The following FUT8 variants were observed in gnomAD, a reference collection of about 807,000 sequenced individuals.
FUT8 encodes the protein fucosyltransferase 8.
Under a neutral mutation model 71.3 loss-of-function variants are expected in FUT8, and 29 were observed. The ratio of observed to expected loss-of-function variants is 0.41; its 90% CI spans 0.30 to 0.55. The LOEUF (loss-of-function observed/expected upper bound fraction) is 0.55, where lower values mean the gene tolerates loss of function less well. Among genes scored for constraint, FUT8 ranks in the 20% least tolerant of loss-of-function variants. The probability of loss-of-function intolerance (pLI) is 0.34; values close to 1 mark genes in which losing one functional copy is unlikely to be tolerated. For missense variants in FUT8, 544 were observed against 702.1 expected (o/e 0.77, Z 2.55); for synonymous variants, 254 against 239.3 (o/e 1.06, Z -0.57).
chr14:65,608,689 TAAA>T (rs1888717571), intron 3 of FUT8, among the ~76,000 whole-genome samples: 1 of 151,958 alleles, frequency 6.6e-6, no homozygotes, highest in Admixed American at 6.6e-5. Context: ...TAAAGGCTTT[TAAA>T]ATAGGAATGA....
chr14:65,501,143 C>T (rs987088756), intron 2 of FUT8, among the ~76,000 whole-genome samples: 3 of 152,112 alleles, frequency 2.0e-5, no homozygotes, highest in Non-Finnish European at 1.5e-5. Flanking sequence ...ACTAAATACT[C>T]GAGGCAGGAG....
chr14:65,633,796 C>A (rs1171773817), intron 6 of FUT8, among the ~76,000 whole-genome samples: 1 of 152,116 alleles, frequency 6.6e-6, no homozygotes, highest in Non-Finnish European at 1.5e-5. Context: ...GCCACCCCGT[C>A]TGAGAAGTGA....
At chr14:65,478,295 A>G (rs1002584849) in intron 2 of FUT8, among the ~76,000 whole-genome samples, 18 of 152,102 alleles carry the variant, frequency 1.2e-4, no homozygotes, top group Admixed American at 2.6e-4. Context: ...AACCCTATAT[A>G]TACAGGTCAG....
chr14:65,660,092 C>T lies in FUT8; in HGVS notation c.598-9151C>T, dbSNP rs918880171. ...GAGGTAGTTTTATTTACATTATATT[C>T]TTGAATGAGAATATGCATCATTAAT... On this transcript the variant is annotated intron_variant, in intron 6 of 10. Coordinates refer to ENST00000673929, the MANE Select transcript of FUT8 (RefSeq NM_001371533.1). The surrounding 1 kb of genome is among the most constrained non-coding windows in gnomAD (Gnocchi z 4.1). Among the ~76,000 whole-genome samples the T allele has an allele frequency of 2.0e-5, 3 of 152,056 alleles. No homozygotes were observed. The highest frequency in any genetic ancestry group is 7.2e-5 in the African/African-American group (3 of 41,404).
chr14:65,508,602 G>A (rs1882115035), intron 2 of FUT8, among the ~76,000 whole-genome samples: 1 of 134,954 alleles, frequency 7.4e-6, no homozygotes, highest in Non-Finnish European at 1.5e-5. Flanking sequence ...CCGGGTTCAA[G>A]CAATTCTGTT....
chr14:65,466,165 CTTTATA>C (rs1719600452), intron 2 of FUT8, among the ~76,000 whole-genome samples: 2 of 152,062 alleles, frequency 1.3e-5, no homozygotes, highest in Non-Finnish European at 2.9e-5. Flanking sequence ...CTGTCTTCAT[CTTTATA>C]TTTAGAGTGG....
chr14:65,617,669 G>A (rs900112074), intron 5 of FUT8, among the ~76,000 whole-genome samples: 1 of 152,142 alleles, frequency 6.6e-6, no homozygotes. Context: ...ATTGGGCTGG[G>A]CGTGGTGGCT....
intron 1 of FUT8, among the ~76,000 whole-genome samples, chr14:65,442,007 C>G (rs1206228509): frequency 6.6e-6 from 1 of 151,860 alleles, no homozygotes; most frequent in African/African-American, 2.4e-5. Flanking sequence ...TCCAGTTGTT[C>G]TCATTGTTCA....
At chr14:65,469,933 G>A (rs1179378831) in intron 2 of FUT8, among the ~76,000 whole-genome samples, 2 of 152,206 alleles carry the variant, frequency 1.3e-5, no homozygotes, top group African/African-American at 4.8e-5. Context: ...GGGACTGGCA[G>A]CCCGGTCCCC....
At position 65,577,678 on chromosome 14, in the gene FUT8, T is replaced by C. The variant is rs74600381; in HGVS notation, c.203+15912T>C. ...TGAGATAATTTGGAAAACTTGCACATTCTTCAGAATGATTGCTCACCCTGA... is the reference window on the plus strand; with the variant it reads ...TGAGATAATTTGGAAAACTTGCACACTCTTCAGAATGATTGCTCACCCTGA... On this transcript the variant is annotated intron_variant, in intron 3 of 10. Transcript: ENST00000673929. Among the ~76,000 whole-genome samples, 874 of 152,244 alleles carry C rather than the reference T, an allele frequency of 5.7e-3. 32 individuals carry two copies. In the East Asian group the frequency reaches 0.093, roughly 16 times the overall value.
In FUT8 at chr14:65,660,536, C is replaced by G. The variant is rs77098896; in HGVS notation, c.598-8707C>G. Among the ~76,000 whole-genome samples the G allele has an allele frequency of 0.017, 2,577 of 152,118 alleles. 70 individuals carry two copies. The highest frequency in any genetic ancestry group is 0.059 in the African/African-American group (2,439 of 41,508). ...ATCTTTCCTCCCTTTAGTTTCTACT[C>G]TTAGATTTTACAGAATACCCATAGG... On this transcript the variant is annotated intron_variant, in intron 6 of 10. Coordinates refer to ENST00000673929, the MANE Select transcript of FUT8 (RefSeq NM_001371533.1). The surrounding 1 kb of genome is among the most constrained non-coding windows in gnomAD (Gnocchi z 4.1).
At chr14:65,389,136 G>T in the FUT8 span, among the ~76,000 whole-genome samples, 3 of 150,442 alleles carry the variant, frequency 2.0e-5, no homozygotes, top group East Asian at 5.9e-4. Flanking sequence ...TGGGATTACA[G>T]GTGCAAGCCA....
intron 1 of FUT8, among the ~76,000 whole-genome samples, chr14:65,439,954 G>GTGTGTACGTATATA: frequency 2.8e-4 from 21 of 74,984 alleles, no homozygotes; most frequent in Non-Finnish European, 4.0e-4. Context: ...GTGTGTGTGT[G>GTGTGTACGTATATA]TATATATATA....
intron 2 of FUT8, among the ~76,000 whole-genome samples, chr14:65,485,413 T>C (rs911212447): frequency 4.6e-5 from 7 of 152,158 alleles, no homozygotes; most frequent in African/African-American, 1.7e-4. Flanking sequence ...GCTTTTATGA[T>C]TTTTTTAAGA....
rs147847716 is a variant in FUT8, at chr14:65,576,939, G to A, written c.203+15173G>A. On this transcript the variant is annotated intron_variant, in intron 3 of 10. Transcript: ENST00000673929. ...TTTTACCGTGTTATCTCCTGACCTC[G>A]TGATCTGCCCACCTAGGCCTCCCAA... Among the ~76,000 whole-genome samples, 1,515 of 151,590 alleles carry A rather than the reference G, an allele frequency of 1.0e-2. 14 individuals carry two copies. The highest frequency in any genetic ancestry group is 0.036 in the East Asian group (184 of 5,168).
At chr14:65,586,538 T>C (rs1158158082) in intron 3 of FUT8, among the ~76,000 whole-genome samples, 2 of 152,242 alleles carry the variant, frequency 1.3e-5, no homozygotes, top group East Asian at 3.8e-4. Context: ...TTTTGGAATC[T>C]AATGTATTTG....
At chr14:65,618,638 T>TG (rs1889434430) in intron 5 of FUT8, among the ~76,000 whole-genome samples, 1 of 152,346 alleles carries the variant, frequency 6.6e-6, no homozygotes, top group South Asian at 2.1e-4. Flanking sequence ...ACTTTTATTA[T>TG]GTAGAATATA....
At chr14:65,589,714 G>T (rs905697017) in intron 3 of FUT8, among the ~76,000 whole-genome samples, 4 of 152,106 alleles carry the variant, frequency 2.6e-5, no homozygotes, top group Non-Finnish European at 5.9e-5. Flanking sequence ...AAAGTGCTGG[G>T]ATTACAGGCC....
intron 7 of FUT8, among the ~76,000 whole-genome samples, chr14:65,709,656 G>T (rs747138817): frequency 6.6e-6 from 1 of 152,132 alleles, no homozygotes; most frequent in South Asian, 2.1e-4. Context: ...CTACAGAAGC[G>T]AAATTAATTC....
Sources: gnomAD v4.1 joint callset for allele counts (sites outside exome capture counted in the v4.1 genomes callset) on GRCh38, gnomAD v4.1.1 for gene constraint, Gnocchi (gnomAD v3.1) non-coding constraint, MANE v1.5 for transcripts, NCBI Gene and HGNC (gene_info 2026-07-23, HGNC 2026-07-21) for gene names.